RAP1GAP2: variants seen among roughly 807,000 people sequenced by gnomAD.
The protein encoded by RAP1GAP2 is rap1 GTPase-activating protein 2.
A neutral mutation model predicts 95.0 loss-of-function variants in RAP1GAP2; 27 were observed. The observed-to-expected ratio is 0.28, with a 90% CI of 0.21 to 0.39. RAP1GAP2 has a LOEUF of 0.39. Ranked by LOEUF, RAP1GAP2 falls within the 10% of genes least tolerant of loss-of-function variation. RAP1GAP2 has a pLI of 1.00. For missense variants in RAP1GAP2, 771 were observed against 970.0 expected, an observed-to-expected ratio of 0.79 and a Z score of 2.72; for synonymous variants, 373 against 380.9, an observed-to-expected ratio of 0.98 and a Z score of 0.24.
At chr17:2,792,913 C>T (rs1374405736), upstream of RAP1GAP2, among the ~76,000 whole-genome samples, 1 of 152,210 alleles carries the variant, frequency 6.6e-6, no homozygotes, top group Non-Finnish European at 1.5e-5. Flanking sequence ...ATTTACCTGG[C>T]TGTCTCCATA....
chr17:2,755,709 G>T (rs1410758617), exon 1 of RAP1GAP2: 5 of 325,304 alleles, frequency 1.5e-5, no homozygotes, highest in South Asian at 1.4e-4. Context: ...GGGAGCGGCC[G>T]GGCGAGGCAT....
intron 1 of RAP1GAP2, among the ~76,000 whole-genome samples, chr17:2,798,210 G>A (rs968612073): frequency 2.0e-5 from 3 of 152,148 alleles, no homozygotes; most frequent in Admixed American, 6.5e-5. Context: ...AGGGTGAGCC[G>A]AAGGTGGAGG....
chr17:2,882,823 A>G (rs1413673534), intron 2 of RAP1GAP2, among the ~76,000 whole-genome samples: 1 of 152,210 alleles, frequency 6.6e-6, no homozygotes, highest in East Asian at 1.9e-4. Context: ...CATGGAGGCC[A>G]CGGGTGAGGG....
intron 8 of RAP1GAP2, among the ~76,000 whole-genome samples, chr17:2,969,432 A>AACAC (rs34917196): frequency 3.8e-4 from 56 of 146,434 alleles, no homozygotes; most frequent in Admixed American, 5.6e-4. Flanking sequence ...AACCATTTGA[A>AACAC]ACACACACAC....
chr17:2,964,021 G>C lies in RAP1GAP2; in HGVS notation c.445G>C (p.Glu149Gln). ...LSPNTFGYKL[E>Q]CKGEARAYRR... ...CCCCAACACATTTGGCTACAAGCTC[G>C]AGTGCAAGGGTGAAGCCAGGGCCTA... is the stretch of plus-strand genomic sequence containing the variant. The change falls in exon 7 of 25, where the codon GAG (glutamate) becomes CAG (glutamine). Residue 149 changes from glutamate (E) to glutamine (Q), a missense_variant. Transcript: ENST00000254695. The C allele has an allele frequency of 6.2e-7, 1 of 1,612,224 alleles. No homozygotes were observed. The highest frequency in any genetic ancestry group is 1.3e-5 in the African/African-American group (1 of 74,636).
chr17:2,939,892 C>T (rs755439776), intron 3 of RAP1GAP2, among the ~76,000 whole-genome samples: 14 of 152,264 alleles, frequency 9.2e-5, no homozygotes, highest in Non-Finnish European at 1.6e-4. Flanking sequence ...CGCTAGTCAG[C>T]GTGGACTAAC....
chr17:2,846,923 C>T (rs559344424), intron 2 of RAP1GAP2, among the ~76,000 whole-genome samples: 37 of 152,208 alleles, frequency 2.4e-4, no homozygotes, highest in African/African-American at 8.7e-4. Context: ...TGCATTTTAG[C>T]TCACAATAGT....
At chr17:2,807,957 CT>C (rs2069592322) in intron 2 of RAP1GAP2, among the ~76,000 whole-genome samples, 1 of 152,164 alleles carries the variant, frequency 6.6e-6, no homozygotes, top group African/African-American at 2.4e-5. Flanking sequence ...GGCCTGCGCC[CT>C]GGGGTGAGGC....
intron 8 of RAP1GAP2, among the ~76,000 whole-genome samples, chr17:2,970,345 C>T (rs1306087156): frequency 6.7e-6 from 1 of 148,224 alleles, no homozygotes; most frequent in Non-Finnish European, 1.5e-5. Flanking sequence ...ATTTTGGTAA[C>T]ACAATAATGA....
rs370194686 is a variant in RAP1GAP2 at position 2,910,168 on chromosome 17, C to T, written c.165+4800C>T. Among the ~76,000 whole-genome samples, 12 of 152,314 alleles carry T rather than the reference C, an allele frequency of 7.9e-5. No homozygotes were observed. The East Asian group carries it at 2.3e-3, about 29-fold the overall frequency. On this transcript the variant is annotated intron_variant, in intron 3 of 24. Coordinates refer to ENST00000254695, the MANE Select transcript of RAP1GAP2 (RefSeq NM_015085.5). ...CTTAACTTGAGTTCCCTGAGCATAG[C>T]GACTGTGTCCTATTCTTTAGGGCCC...
At chr17:2,787,856 C>T (rs2068826962) in intron 1 of RAP1GAP2, among the ~76,000 whole-genome samples, 1 of 152,182 alleles carries the variant, frequency 6.6e-6, no homozygotes, top group South Asian at 2.1e-4. Flanking sequence ...CATGAGCCAC[C>T]GCGCCCAGCC....
At position 3,027,448 on chromosome 17, in the gene RAP1GAP2, C is replaced by T. The variant is rs565771088; in HGVS notation, c.2107+378C>T. Among the ~76,000 whole-genome samples the T allele has an allele frequency of 8.7e-4, 132 of 152,106 alleles. 2 individuals carry two copies. The highest frequency in any genetic ancestry group is 1.3e-4 in the Admixed American group (2 of 15,260). ...GGCTGCCAGGGCCCGTCTGTCATGT[C>T]GGGGGTCTTGATAATACAAGACGGG... On this transcript the variant is annotated intron_variant, in intron 22 of 24. Transcript: ENST00000254695. The surrounding 1 kb of genome is among the most constrained non-coding windows in gnomAD (Gnocchi z 5.2).
chr17:2,804,856 C>G (rs1482955843), intron 2 of RAP1GAP2, among the ~76,000 whole-genome samples: 2 of 152,202 alleles, frequency 1.3e-5, no homozygotes, highest in African/African-American at 4.8e-5. Context: ...TCGTTCACCT[C>G]TCTGGGTCAG....
In RAP1GAP2 at chr17:3,036,574, A is replaced by C. The variant is rs2047470788; in HGVS notation, c.*3213A>C. The C allele has an allele frequency of 6.6e-6, 1 of 152,292 alleles. No homozygotes were observed. The highest frequency in any genetic ancestry group is 2.4e-5 in the African/African-American group (1 of 41,462). 9.4% of individuals were successfully genotyped at this position (152,292 alleles called of 1,614,324 possible). A position where few individuals can be genotyped will look rare whatever the true frequency, so the allele number is the denominator to read the frequency against. On this transcript the variant is annotated 3_prime_UTR_variant, in exon 25 of 25. Coordinates refer to ENST00000254695, the MANE Select transcript of RAP1GAP2 (RefSeq NM_015085.5). The stretch of plus-strand genomic sequence containing the variant: ...TGGGCTTTGGATGCAGCTTGAACCA[A>C]GAAAACGAGGAGGGAAAGGGATTCA...
At chr17:2,908,896 A>G (rs2042283542) in intron 3 of RAP1GAP2, among the ~76,000 whole-genome samples, 1 of 151,854 alleles carries the variant, frequency 6.6e-6, no homozygotes, top group Non-Finnish European at 1.5e-5. Context: ...TGTAGAGACA[A>G]GGTCTTGCTG....
At chr17:2,879,510 G>A (rs1299496755) in intron 2 of RAP1GAP2, among the ~76,000 whole-genome samples, 2 of 149,222 alleles carry the variant, frequency 1.3e-5, no homozygotes, top group Admixed American at 1.3e-4. Flanking sequence ...GGCAGATCAC[G>A]AGATCAGGAG....
At chr17:3,019,060 AAAAACAAAAC>A (rs565886696) in intron 18 of RAP1GAP2, among the ~76,000 whole-genome samples, 2 of 150,694 alleles carry the variant, frequency 1.3e-5, no homozygotes, top group Non-Finnish European at 3.0e-5. Flanking sequence ...ACTGTCTCAA[AAAAACAAAAC>A]AAAACAAAAC....
chr17:2,993,526 T>C (rs2045847169), intron 12 of RAP1GAP2, among the ~76,000 whole-genome samples: 1 of 151,624 alleles, frequency 6.6e-6, no homozygotes. Flanking sequence ...TGAGCTGAGA[T>C]TGTGCCATTG....
chr17:2,998,135 C>T lies in RAP1GAP2; in HGVS notation c.1045-86C>T, dbSNP rs2046029342. 3 of 1,432,880 alleles carry T rather than the reference C, an allele frequency of 2.1e-6. No individual in the cohort carries two copies. The East Asian group carries it at 6.9e-5, about 33-fold the overall frequency. The allele number at this position is 1,432,880 out of a possible 1,614,324, so 88.8% of individuals were successfully genotyped here. On this transcript the variant is annotated intron_variant, in intron 13 of 24. Coordinates refer to ENST00000254695, the MANE Select transcript of RAP1GAP2 (RefSeq NM_015085.5). Reference sequence around the variant, plus strand: ...ACTCAGAATTCAGTTTTCCTGTGTGCAAAGGAAAGTGAACCCACTCTTTCC... The same window carrying T: ...ACTCAGAATTCAGTTTTCCTGTGTGTAAAGGAAAGTGAACCCACTCTTTCC...
Sources: allele counts gnomAD v4.1 joint callset (sites outside exome capture counted in the v4.1 genomes callset), GRCh38; gene constraint gnomAD v4.1.1; non-coding constraint Gnocchi (gnomAD v3.1); transcripts MANE v1.5; gene names NCBI Gene and HGNC (gene_info 2026-07-23, HGNC 2026-07-21).